The following COL25A1 variants were observed in gnomAD, a reference collection of about 807,000 sequenced individuals.
COL25A1 encodes the protein collagen type XXV alpha 1 chain, also known as collagen alpha-1(XXV) chain.
Under a neutral mutation model 128.4 loss-of-function variants are expected in COL25A1, and 103 were observed. The ratio of observed to expected loss-of-function variants is 0.80; its 90% CI spans 0.68 to 0.94. COL25A1 has a LOEUF of 0.94. Ranked by LOEUF, COL25A1 falls within the 40% of genes least tolerant of loss-of-function variation. COL25A1 has a pLI of 0.00. For missense variants in COL25A1, 745 were observed against 840.0 expected (o/e 0.89, Z 1.40); for synonymous variants, 279 against 277.2 (o/e 1.01, Z -0.06).
In COL25A1 at chr4:108,819,627, G is replaced by T. The variant is rs571186649; in HGVS notation, c.1846-298C>A. 3.9e-5 allele frequency among the ~76,000 whole-genome samples: 6 copies of T among 152,310 alleles called. No homozygotes were observed. The South Asian group carries it at 1.2e-3, about 32-fold the overall frequency. On this transcript the variant is annotated intron_variant, in intron 35 of 37. Transcript: ENST00000399132. Reference sequence around the variant, plus strand: ...TTTGGGGGTTAAGAAACCAGGCAGAGCTAGTGGCCCAAGACGAGATGTGGA... The same window carrying T: ...TTTGGGGGTTAAGAAACCAGGCAGATCTAGTGGCCCAAGACGAGATGTGGA...
At chr4:108,958,921 A>G (rs1443996974) in intron 8 of COL25A1, among the ~76,000 whole-genome samples, 1 of 152,106 alleles carries the variant, frequency 6.6e-6, no homozygotes, top group Non-Finnish European at 1.5e-5. Flanking sequence ...ATAATTCGAT[A>G]AATTTTAAAA....
chr4:109,219,206 G>A (rs923911698), intron 3 of COL25A1, among the ~76,000 whole-genome samples: 10 of 152,036 alleles, frequency 6.6e-5, no homozygotes, highest in Non-Finnish European at 1.3e-4. Context: ...AAAACTAGAA[G>A]GAACTGTGCA....
chr4:108,879,384 GT>G (rs11371883), intron 19 of COL25A1, among the ~76,000 whole-genome samples: 312 of 151,364 alleles, frequency 2.1e-3, no homozygotes, highest in Middle Eastern at 3.4e-3. Flanking sequence ...CTTGCTCCAT[GT>G]TTTTTTTTCC....
intron 5 of COL25A1, among the ~76,000 whole-genome samples, chr4:109,017,322 G>A (rs575181216): frequency 1.3e-5 from 2 of 152,314 alleles, no homozygotes; most frequent in African/African-American, 4.8e-5. Context: ...GGCATGTGTG[G>A]GACCCAGGCT....
intron 19 of COL25A1, among the ~76,000 whole-genome samples, chr4:108,874,508 C>T (rs1739195711): frequency 6.6e-6 from 1 of 151,634 alleles, no homozygotes; most frequent in Non-Finnish European, 1.5e-5. Flanking sequence ...ACCTAAATTA[C>T]AAAATCTAAA....
chr4:109,161,484 T>A (rs765879858), intron 3 of COL25A1, among the ~76,000 whole-genome samples: 1 of 152,110 alleles, frequency 6.6e-6, no homozygotes, highest in Admixed American at 6.5e-5. Context: ...TGTTATAATA[T>A]AATTACCTGA....
intron 4 of COL25A1, among the ~76,000 whole-genome samples, chr4:109,048,554 T>C (rs1303042290): frequency 1.3e-5 from 2 of 152,186 alleles, no homozygotes; most frequent in African/African-American, 2.4e-5. Flanking sequence ...TATAATTTCT[T>C]GAGTTTGATA....
At chr4:108,923,277 G>C (rs939269551) in intron 11 of COL25A1, among the ~76,000 whole-genome samples, 7 of 152,044 alleles carry the variant, frequency 4.6e-5, no homozygotes, top group African/African-American at 1.7e-4. Flanking sequence ...TGCGGTTTCT[G>C]GTACAAATGT....
chr4:109,078,538 G>A lies in COL25A1; in HGVS notation c.368-28359C>T, dbSNP rs149911709. On this transcript the variant is annotated intron_variant, in intron 3 of 37. Coordinates refer to ENST00000399132, the MANE Select transcript of COL25A1 (RefSeq NM_198721.4). ...ATGTTTAAACAATATTTACCATAAA[G>A]CTGCTTTTCACAGCTCTTTCTGGCA... Among the ~76,000 whole-genome samples, 6 of 152,224 alleles carry A rather than the reference G, an allele frequency of 3.9e-5. No individual in the cohort carries two copies. The East Asian group carries it at 1.2e-3, about 29-fold the overall frequency.
chr4:108,995,774 C>T (rs939580090), intron 6 of COL25A1, among the ~76,000 whole-genome samples: 2 of 152,152 alleles, frequency 1.3e-5, no homozygotes, highest in African/African-American at 4.8e-5. Flanking sequence ...GATCTCTCGG[C>T]AGAAACCCTA....
At chr4:108,836,432 C>T (rs1733820223) in intron 31 of COL25A1, among the ~76,000 whole-genome samples, 1 of 152,136 alleles carries the variant, frequency 6.6e-6, no homozygotes, top group African/African-American at 2.4e-5. Context: ...CATAGTGGCT[C>T]ACAGCTATAA....
intron 3 of COL25A1, among the ~76,000 whole-genome samples, chr4:109,280,845 C>T (rs1259845420): frequency 6.6e-6 from 1 of 151,952 alleles, no homozygotes; most frequent in African/African-American, 2.4e-5. Context: ...TGTAGTTTCA[C>T]CATGTTGGCC....
rs1307720843 is a variant in COL25A1 at position 108,852,910 on chromosome 4, T to C, written c.1336A>G (p.Thr446Ala). 6.2e-7 allele frequency: 1 copy of C among 1,610,862 alleles called. No homozygotes were observed. Among genetic ancestry groups the C allele is most frequent in the Non-Finnish European group, 8.5e-7 (1 of 1,178,620 alleles). Residue 446 changes from threonine to alanine, a missense_variant, in exon 25 of 38, where the codon ACT (threonine) becomes GCT (alanine). Transcript: ENST00000399132. ...HEALQRITTL[T>A]VTGPPGPPGP... ...CATGCAATAGGAGTTACCGTGACAGTTAAGGTGGTAATCCTCTGTTGGGAA... is the reference window on the plus strand; with the variant it reads ...CATGCAATAGGAGTTACCGTGACAGCTAAGGTGGTAATCCTCTGTTGGGAA...
At chr4:109,119,025 A>G (rs1164312469) in intron 3 of COL25A1, among the ~76,000 whole-genome samples, 2 of 151,996 alleles carry the variant, frequency 1.3e-5, no homozygotes, top group African/African-American at 4.8e-5. Context: ...TTGCTGGCAG[A>G]TAACAATGGA....
intron 3 of COL25A1, among the ~76,000 whole-genome samples, chr4:109,245,712 G>A (rs879762859): frequency 3.9e-5 from 6 of 152,100 alleles, no homozygotes; most frequent in Non-Finnish European, 8.8e-5. Flanking sequence ...ACAGCACAAC[G>A]TAAGGATTAA....
At chr4:109,092,691 T>C (rs551236896) in intron 3 of COL25A1, among the ~76,000 whole-genome samples, 1 of 152,200 alleles carries the variant, frequency 6.6e-6, no homozygotes, top group Non-Finnish European at 1.5e-5. Context: ...TTTAGAAAAG[T>C]GATTTTGGTA....
rs1222162210 is a variant in COL25A1, at chr4:108,810,267, T to C, written c.*3660A>G. The C allele has an allele frequency of 6.6e-6, 1 of 151,848 alleles. No homozygotes were observed. Among genetic ancestry groups the C allele is most frequent in the African/African-American group, 2.4e-5 (1 of 41,406 alleles). 9.4% of individuals were successfully genotyped at this position (151,848 alleles called of 1,614,324 possible). ...TAACATATCAAAGACAATTTTTCCA[T>C]TGGTACTGACATGCTGATTTGACAA... On this transcript the variant is annotated 3_prime_UTR_variant, in exon 38 of 38. Transcript: ENST00000399132.
chr4:109,197,446 TATATTATATATAA>T (rs1409509309), intron 3 of COL25A1, among the ~76,000 whole-genome samples: 1 of 120,292 alleles, frequency 8.3e-6, no homozygotes, highest in African/African-American at 3.1e-5. Context: ...ATATATTATA[TATATTATATATAA>T]ATATTATATA....
chr4:108,880,121 T>G (rs1256492904), intron 19 of COL25A1, among the ~76,000 whole-genome samples: 1 of 152,338 alleles, frequency 6.6e-6, no homozygotes, highest in South Asian at 2.1e-4. Flanking sequence ...AAAATCTATA[T>G]TTATGAAAAA....
Sources: allele counts gnomAD v4.1 joint callset (sites outside exome capture counted in the v4.1 genomes callset), GRCh38; gene constraint gnomAD v4.1.1; transcripts MANE v1.5; gene names NCBI Gene and HGNC (gene_info 2026-07-23, HGNC 2026-07-21).